The following GPC6 variants were observed in gnomAD, a reference collection of about 807,000 sequenced individuals.
GPC6 encodes glypican-6.
In GPC6, 14 loss-of-function variants were observed where a neutral mutation model predicts 55.2. The observed-to-expected ratio is 0.25, with a 90% CI of 0.17 to 0.40. GPC6 has a LOEUF of 0.40. Ranked by LOEUF, GPC6 falls within the 10% of genes least tolerant of loss-of-function variation. GPC6 has a pLI of 1.00. For synonymous variants in GPC6, 278 were observed against 259.6 expected (o/e 1.07, Z -0.68); for missense variants, 641 against 708.5 (o/e 0.90, Z 1.08).
At chr13:94,025,158 C>A (rs1594675249) in intron 3 of GPC6, among the ~76,000 whole-genome samples, 1 of 152,102 alleles carries the variant, frequency 6.6e-6, no homozygotes, top group Non-Finnish European at 1.5e-5. Flanking sequence ...GTGAGATAAC[C>A]AAAACCCAAC....
chr13:93,368,806 T>C (rs921275277), intron 1 of GPC6, among the ~76,000 whole-genome samples: 1 of 152,134 alleles, frequency 6.6e-6, no homozygotes, highest in Admixed American at 6.6e-5. Context: ...TAATGGACAG[T>C]CTAAGAAAAG....
At chr13:94,165,970 G>C (rs1314185587) in intron 4 of GPC6, among the ~76,000 whole-genome samples, 1 of 152,004 alleles carries the variant, frequency 6.6e-6, no homozygotes, top group Non-Finnish European at 1.5e-5. Flanking sequence ...GAGCTTTCAG[G>C]AAGAAAATTT....
chr13:93,345,257 A>G (rs2139156361), intron 1 of GPC6, among the ~76,000 whole-genome samples: 1 of 152,186 alleles, frequency 6.6e-6, no homozygotes, highest in Non-Finnish European at 1.5e-5. Context: ...GATGATCACC[A>G]CCAAATTGAA....
At chr13:93,630,026 T>C (rs1449613281) in intron 2 of GPC6, among the ~76,000 whole-genome samples, 1 of 152,186 alleles carries the variant, frequency 6.6e-6, no homozygotes, top group African/African-American at 2.4e-5. Flanking sequence ...AATCAAGTGA[T>C]GGATGTAAAG....
chr13:93,551,505 G>A (rs537500411), intron 2 of GPC6, among the ~76,000 whole-genome samples: 1 of 152,254 alleles, frequency 6.6e-6, no homozygotes, highest in Admixed American at 6.5e-5. Context: ...TCTGTCTTAA[G>A]CATGTTCTTC....
chr13:94,220,452 A>T (rs1374851850), intron 4 of GPC6, among the ~76,000 whole-genome samples: 1 of 152,054 alleles, frequency 6.6e-6, no homozygotes, highest in Non-Finnish European at 1.5e-5. Flanking sequence ...TTCATTGAAA[A>T]CCAAAGCACT....
chr13:93,381,192 A>G (rs1181425525), intron 1 of GPC6, among the ~76,000 whole-genome samples: 3 of 152,164 alleles, frequency 2.0e-5, no homozygotes, highest in Non-Finnish European at 4.4e-5. Context: ...GACAAATAAT[A>G]CAGGAATAAG....
intron 3 of GPC6, among the ~76,000 whole-genome samples, chr13:93,888,628 A>G (rs890802202): frequency 6.6e-6 from 1 of 152,210 alleles, no homozygotes; most frequent in African/African-American, 2.4e-5. Flanking sequence ...GCTGAGATAC[A>G]GTACTTTCTT....
intron 4 of GPC6, among the ~76,000 whole-genome samples, chr13:94,109,962 C>T (rs1886182740): frequency 6.6e-6 from 1 of 150,536 alleles, no homozygotes; most frequent in Non-Finnish European, 1.5e-5. Context: ...ATATTGGGAC[C>T]TCTTTAAAGC....
At chr13:94,272,552 T>G (rs1272225496) in intron 4 of GPC6, among the ~76,000 whole-genome samples, 1 of 141,740 alleles carries the variant, frequency 7.1e-6, no homozygotes, top group African/African-American at 2.6e-5. Context: ...CACTGCAAGC[T>G]CCGCCTCCCA....
intron 4 of GPC6, among the ~76,000 whole-genome samples, chr13:94,039,603 G>A (rs555978469): frequency 1.3e-5 from 2 of 152,022 alleles, no homozygotes; most frequent in Non-Finnish European, 2.9e-5. Context: ...TGTTGGATTT[G>A]AGAAACAGTG....
chr13:93,346,988 A>ATGT, intron 1 of GPC6, among the ~76,000 whole-genome samples: 1 of 152,200 alleles, frequency 6.6e-6, no homozygotes, highest in Non-Finnish European at 1.5e-5. Flanking sequence ...TGATAAATCA[A>ATGT]AACTAATTTC....
chr13:93,869,582 G>A (rs1889067206), intron 3 of GPC6, among the ~76,000 whole-genome samples: 1 of 151,830 alleles, frequency 6.6e-6, no homozygotes, highest in African/African-American at 2.4e-5. Context: ...CACCTAAAAT[G>A]GCATTGCAGT....
intron 3 of GPC6, among the ~76,000 whole-genome samples, chr13:93,867,977 T>A (rs1889020150): frequency 6.6e-6 from 1 of 151,736 alleles, no homozygotes; most frequent in Admixed American, 6.6e-5. Flanking sequence ...TTTACATCTC[T>A]CCTCTTCACA....
intron 1 of GPC6, among the ~76,000 whole-genome samples, chr13:93,412,348 A>G (rs1876534511): frequency 6.6e-6 from 1 of 152,184 alleles, no homozygotes; most frequent in Non-Finnish European, 1.5e-5. Context: ...CATTTAATAC[A>G]TCTTTCATTA....
At chr13:94,249,515 G>A (rs1435124520) in intron 4 of GPC6, among the ~76,000 whole-genome samples, 1 of 152,090 alleles carries the variant, frequency 6.6e-6, no homozygotes, top group Admixed American at 6.6e-5. Context: ...GATTTTCACA[G>A]TTTAAAAAGC....
At chr13:93,520,818 C>CTGTAGACAAACTA (rs1555307539) in intron 1 of GPC6, among the ~76,000 whole-genome samples, 1 of 150,678 alleles carries the variant, frequency 6.6e-6, no homozygotes, top group East Asian at 2.0e-4. Flanking sequence ...ACAAACTATA[C>CTGTAGACAAACTA]TATAGACAAA....
intron 1 of GPC6, among the ~76,000 whole-genome samples, chr13:93,483,207 C>T (rs1879581359): frequency 6.6e-6 from 1 of 152,238 alleles, no homozygotes. Context: ...TAATTAAATC[C>T]TGGAGTCCCA....
Position 94,303,386 on chromosome 13 carries a change from A to C in GPC6, c.1009-2594A>C, listed in dbSNP as rs145277841. ...AGCTAAGTTGCAAGCCTCGTGTTTA[A>C]AGGTGGATCCGGTCACCTTCCCAGC... On this transcript the variant is annotated intron_variant, in intron 5 of 8. Coordinates refer to ENST00000377047, the MANE Select transcript of GPC6 (RefSeq NM_005708.5). Among the ~76,000 whole-genome samples the C allele has an allele frequency of 1.2e-3, 187 of 152,280 alleles. 1 individual carries two copies. In the East Asian group the frequency reaches 0.033, roughly 27 times the overall value.
Sources: allele counts gnomAD v4.1 joint callset (sites outside exome capture counted in the v4.1 genomes callset), GRCh38; gene constraint gnomAD v4.1.1; transcripts MANE v1.5; gene names NCBI Gene and HGNC (gene_info 2026-07-23, HGNC 2026-07-21).